The following PHF20L1 variants were observed in gnomAD, a reference collection of about 807,000 sequenced individuals.
The protein encoded by PHF20L1 is PHD finger protein 20-like protein 1.
In PHF20L1, 44 loss-of-function variants were observed where a neutral mutation model predicts 125.5. That is an observed-to-expected ratio of 0.35 (90% CI 0.28 to 0.45). PHF20L1 has a LOEUF of 0.45. PHF20L1 is among the 20% of genes least tolerant of loss of function. The pLI, the probability that PHF20L1 is intolerant of heterozygous loss-of-function variation, is 1.00. For synonymous variants in PHF20L1, 380 were observed against 403.1 expected (o/e 0.94, Z 0.69); for missense variants, 1,012 against 1,217.2 (o/e 0.83, Z 2.51).
intron 15 of PHF20L1, among the ~76,000 whole-genome samples, chr8:132,835,864 AG>A (rs1049709460): frequency 6.6e-6 from 1 of 152,090 alleles, no homozygotes; most frequent in Admixed American, 6.6e-5. Context: ...GTGCTTACTA[AG>A]TGCTATAGTA....
chr8:132,791,973 TTAGA>T (rs1271746491), intron 2 of PHF20L1, among the ~76,000 whole-genome samples: 1 of 152,222 alleles, frequency 6.6e-6, no homozygotes, highest in Non-Finnish European at 1.5e-5. Context: ...TTGAACTCAC[TTAGA>T]TACTGATTCT....
intron 18 of PHF20L1, among the ~76,000 whole-genome samples, chr8:132,840,787 C>T (rs146029511): frequency 5.0e-4 from 76 of 152,256 alleles, no homozygotes; most frequent in African/African-American, 1.7e-3. Context: ...GCAAACTCCA[C>T]GCATACTTGT....
chr8:132,785,321 G>A (rs549698357), intron 2 of PHF20L1, among the ~76,000 whole-genome samples: 1 of 152,296 alleles, frequency 6.6e-6, no homozygotes, highest in East Asian at 1.9e-4. Flanking sequence ...CAGTTTATCT[G>A]TTGTGGTAGT....
chr8:132,842,981 A>G lies in PHF20L1; in HGVS notation c.2748+106A>G, dbSNP rs147565607. On this transcript the variant is annotated intron_variant, in intron 19 of 20. Transcript: ENST00000395386. ...TTCCCAGATTTTAGTTGTATTTCCAAGTTCCCCAGTACCTTGTTAAAGTAA... is the reference window on the plus strand; with the variant it reads ...TTCCCAGATTTTAGTTGTATTTCCAGGTTCCCCAGTACCTTGTTAAAGTAA... 3,026 of 1,471,334 alleles carry G rather than the reference A, an allele frequency of 2.1e-3. 7 individuals carry two copies. The highest frequency in any genetic ancestry group is 8.0e-3 in the Middle Eastern group (32 of 3,992). 91.1% of individuals were successfully genotyped at this position (1,471,334 alleles called of 1,614,324 possible).
intron 2 of PHF20L1, chr8:132,789,093 A>T (rs571703755): frequency 1.6e-4 from 25 of 152,320 alleles, no homozygotes; most frequent in African/African-American, 5.3e-4. Context: ...TCTGTAAAAT[A>T]TGTAAAAATA....
intron 8 of PHF20L1, 31 bp from the exon 9 acceptor site, chr8:132,811,015 A>G: frequency 7.3e-7 from 1 of 1,364,418 alleles, no homozygotes. Flanking sequence ...TATTTTTTCT[A>G]ATAAGCAATT....
At chr8:132,783,170 A>G (rs1411555428) in intron 2 of PHF20L1, among the ~76,000 whole-genome samples, 2 of 152,200 alleles carry the variant, frequency 1.3e-5, no homozygotes, top group Non-Finnish European at 2.9e-5. Context: ...CAGATGAGAT[A>G]TGCTCCTCTG....
intron 6 of PHF20L1, among the ~76,000 whole-genome samples, chr8:132,802,230 C>G (rs941835283): frequency 6.0e-5 from 9 of 150,980 alleles, no homozygotes; most frequent in African/African-American, 2.2e-4. Flanking sequence ...CTGCTTTTAG[C>G]TGCCCATACT....
intron 15 of PHF20L1, among the ~76,000 whole-genome samples, chr8:132,832,673 A>G (rs1367561354): frequency 1.3e-5 from 2 of 152,118 alleles, no homozygotes; most frequent in Non-Finnish European, 2.9e-5. Context: ...TTCACTATCA[A>G]CTGACAGAGT....
At chr8:132,792,614 C>T (rs866785845) in intron 2 of PHF20L1, among the ~76,000 whole-genome samples, 8 of 152,172 alleles carry the variant, frequency 5.3e-5, no homozygotes, top group African/African-American at 1.7e-4. Flanking sequence ...ACATTCCCGC[C>T]TTTCTTTAAA....
chr8:132,795,309 A>G (rs1485499769), intron 4 of PHF20L1, among the ~76,000 whole-genome samples: 1 of 152,122 alleles, frequency 6.6e-6, no homozygotes, highest in Non-Finnish European at 1.5e-5. Context: ...ATTTCTACAG[A>G]TAATTGAGTT....
chr8:132,798,900 C>T (rs779398532), intron 5 of PHF20L1, 40 bp downstream of exon 5: 2 of 1,342,922 alleles, frequency 1.5e-6, no homozygotes, highest in Admixed American at 3.6e-5. Flanking sequence ...AAAGGGTTAT[C>T]TTCTTGAACG....
intron 2 of PHF20L1, among the ~76,000 whole-genome samples, chr8:132,787,400 G>A (rs544984792): frequency 6.6e-6 from 1 of 152,220 alleles, no homozygotes; most frequent in South Asian, 2.1e-4. Flanking sequence ...AAAAGTTGTG[G>A]ACAAGTAGGA....
At chr8:132,845,635 C>T (rs970649751) in intron 20 of PHF20L1, 146 bp from the exon 21 acceptor site, 43 of 617,584 alleles carry the variant, frequency 7.0e-5, no homozygotes, top group South Asian at 2.8e-4. Flanking sequence ...ACGCTAACCT[C>T]TCGGAAATGT....
intron 2 of PHF20L1, among the ~76,000 whole-genome samples, chr8:132,789,229 G>A (rs974503112): frequency 1.3e-5 from 2 of 152,146 alleles, no homozygotes; most frequent in Non-Finnish European, 2.9e-5. Flanking sequence ...AGATTATGGT[G>A]TTAGTCCAGA....
chr8:132,809,173 G>A (rs183959763), intron 8 of PHF20L1: 4 of 151,942 alleles, frequency 2.6e-5, no homozygotes, highest in East Asian at 1.9e-4. Context: ...TATCTATTTA[G>A]TTATTTATTT....
chr8:132,802,688 GAA>G (rs1563804610), intron 6 of PHF20L1, among the ~76,000 whole-genome samples: 1 of 151,808 alleles, frequency 6.6e-6, no homozygotes, highest in Non-Finnish European at 1.5e-5. Context: ...AATTATGAGA[GAA>G]AGAGTTAGAA....
intron 8 of PHF20L1, chr8:132,809,526 C>G (rs2131614861): frequency 6.6e-6 from 1 of 152,258 alleles, no homozygotes; most frequent in East Asian, 1.9e-4. Context: ...TTTAGGGTAG[C>G]TGTCTGATAA....
intron 2 of PHF20L1, among the ~76,000 whole-genome samples, 175 bp downstream of exon 2, chr8:132,778,086 T>A (rs540032568): frequency 6.6e-6 from 1 of 152,350 alleles, no homozygotes; most frequent in African/African-American, 2.4e-5. Context: ...AGGTTTAGCA[T>A]TTAAAAACTA....
Sources: gnomAD v4.1 joint callset for allele counts (sites outside exome capture counted in the v4.1 genomes callset) on GRCh38, gnomAD v4.1.1 for gene constraint, MANE v1.5 for transcripts, NCBI Gene and HGNC (gene_info 2026-07-23, HGNC 2026-07-21) for gene names.